Variants in IBTK observed in about 807,000 individuals in gnomAD.
The protein encoded by IBTK is BTK-binding protein.
A neutral mutation model predicts 154.9 loss-of-function variants in IBTK; 83 were observed. The observed-to-expected ratio is 0.54, with a 90% confidence interval of 0.45 to 0.64. The LOEUF is 0.64. Among genes scored for constraint, IBTK ranks in the 30% least tolerant of loss-of-function variants. The pLI, the probability that IBTK is intolerant of heterozygous loss-of-function variation, is 0.00. For missense variants in IBTK, 1,332 were observed against 1,584.6 expected (o/e 0.84, Z 2.71); for synonymous variants, 515 against 536.1 (o/e 0.96, Z 0.54).
intron 7 of IBTK, 42 bp from the exon 8 acceptor site, chr6:82,223,662 T>C: frequency 6.5e-7 from 1 of 1,546,498 alleles, no homozygotes; most frequent in Admixed American, 1.7e-5. Context: ...AATAGCTCTT[T>C]TAAGAGTCCT....
At chr6:82,197,885 A>T (rs1582205172) in intron 21 of IBTK, among the ~76,000 whole-genome samples, 1 of 152,200 alleles carries the variant, frequency 6.6e-6, no homozygotes, top group East Asian at 1.9e-4. Flanking sequence ...ACTGTCTTTG[A>T]TGAAATTGGC....
chr6:82,202,552 T>C lies in IBTK; in HGVS notation c.2705A>G (p.Asn902Ser). The change falls in exon 18 of 29, where the codon AAT (asparagine) becomes AGT (serine). Residue 902 changes from asparagine to serine, a missense_variant. Transcript: ENST00000306270. ...KLSCLQFIGLNMAALLEARSL... is the reference protein window; with the variant it reads ...KLSCLQFIGLSMAALLEARSL... ...CCTTGCTTCAAGTAAAGCTGCCATA[T>C]TCAATCCTATAAACTGTAAACAAGA... is the stretch of plus-strand genomic sequence containing the variant. The C allele has an allele frequency of 6.2e-7, 1 of 1,607,276 alleles. No homozygotes were observed. Among genetic ancestry groups the C allele is most frequent in the South Asian group, 1.1e-5 (1 of 90,144 alleles).
Position 82,181,931 on chromosome 6 carries a change from T to C in IBTK, c.3673A>G (p.Lys1225Glu). 1.3e-6 allele frequency: 2 copies of C among 1,594,344 alleles called. No homozygotes were observed. The highest frequency in any genetic ancestry group is 1.9e-5 in the Admixed American group (1 of 52,918). ...TCAATTCCTTTAAAAGAAACTTTTTTGACATGATCGCCTGAACTATGGCTA... is the reference window on the plus strand; with the variant it reads ...TCAATTCCTTTAAAAGAAACTTTTTCGACATGATCGCCTGAACTATGGCTA... ...VTSHSSGDHVKKVSFKGIENS... is the reference protein window; with the variant it reads ...VTSHSSGDHVEKVSFKGIENS... Residue 1225 changes from lysine (K) to glutamate (E), a missense_variant, in exon 26 of 29, where the codon AAA becomes GAA. By Grantham distance (56) the Lys-to-Glu change is moderately conservative (BLOSUM62 1). Transcript: ENST00000306270.
intron 1 of IBTK, among the ~76,000 whole-genome samples, chr6:82,242,484 G>T (rs191918893): frequency 6.6e-6 from 1 of 151,772 alleles, no homozygotes; most frequent in African/African-American, 2.4e-5. Flanking sequence ...AAGTAATGGC[G>T]ATTATTTTTA....
At chr6:82,209,939 T>C (rs2127812291) in intron 16 of IBTK, among the ~76,000 whole-genome samples, 1 of 152,292 alleles carries the variant, frequency 6.6e-6, no homozygotes, top group East Asian at 1.9e-4. Flanking sequence ...TGTTTTCTTA[T>C]ACATTTGTCT....
intron 17 of IBTK, among the ~76,000 whole-genome samples, chr6:82,203,484 GTC>G: frequency 6.6e-6 from 1 of 152,194 alleles, no homozygotes; most frequent in Admixed American, 6.5e-5. Flanking sequence ...GTCAATAATG[GTC>G]TCTGTCTCAC....
intron 4 of IBTK, among the ~76,000 whole-genome samples, chr6:82,228,679 T>C (rs1241224018): frequency 3.3e-5 from 5 of 151,808 alleles, no homozygotes; most frequent in African/African-American, 1.2e-4. Context: ...TGGAGTGCAG[T>C]GGCGCCATCT....
intron 25 of IBTK, chr6:82,189,041 AG>A: frequency 4.4e-6 from 2 of 449,910 alleles, no homozygotes; most frequent in Admixed American, 2.4e-5. Context: ...AAAAAAAAGA[AG>A]AAAAAGTAAG....
chr6:82,225,023 G>T (rs1770240452), intron 6 of IBTK, among the ~76,000 whole-genome samples: 2 of 152,026 alleles, frequency 1.3e-5, no homozygotes, highest in Admixed American at 1.3e-4. Flanking sequence ...CAACAGGCTG[G>T]GTGCAGTGGC....
intron 2 of IBTK, among the ~76,000 whole-genome samples, chr6:82,236,258 G>A (rs1487249739): frequency 1.3e-5 from 2 of 152,150 alleles, no homozygotes; most frequent in African/African-American, 4.8e-5. Context: ...AAGGGATTCT[G>A]TCTTGTTCAC....
chr6:82,201,221 A>G (rs1371422926), intron 19 of IBTK, among the ~76,000 whole-genome samples: 3 of 152,134 alleles, frequency 2.0e-5, no homozygotes, highest in African/African-American at 7.2e-5. Context: ...ATTAATAAAT[A>G]TTAACTTTAT....
chr6:82,186,029 T>C (rs1768543236), intron 25 of IBTK, among the ~76,000 whole-genome samples: 1 of 152,190 alleles, frequency 6.6e-6, no homozygotes, highest in Non-Finnish European at 1.5e-5. Context: ...TTCATTATTA[T>C]TATATCTGTT....
intron 27 of IBTK, chr6:82,172,896 T>C (rs1181938925): frequency 4.9e-6 from 1 of 202,490 alleles, no homozygotes; most frequent in Admixed American, 5.5e-5. Flanking sequence ...AGAAACAACA[T>C]AACTGAACAG....
At chr6:82,241,134 C>T (rs1770935107) in intron 1 of IBTK, among the ~76,000 whole-genome samples, 4 of 151,960 alleles carry the variant, frequency 2.6e-5, no homozygotes, top group Admixed American at 2.6e-4. Context: ...ATATTTTTAT[C>T]AGTCATCCTT....
Position 82,196,461 on chromosome 6 carries a change from TA to T in IBTK, c.3026-16del, listed in dbSNP as rs764036027. ...CTTTAATAATCCTAAAACATGAAAT[TA>T]AAAAAAATTAAACACATATGCATTA... On this transcript the variant is annotated splice_polypyrimidine_tract_variant and intron_variant, in intron 21 of 28. Coordinates refer to ENST00000306270, the MANE Select transcript of IBTK (RefSeq NM_015525.4). 25 of 1,560,498 alleles carry T rather than the reference TA, an allele frequency of 1.6e-5. No individual in the cohort carries two copies. The highest frequency in any genetic ancestry group is 1.8e-5 in the Admixed American group (1 of 54,608).
At chr6:82,235,762 A>G (rs973726014) in intron 2 of IBTK, among the ~76,000 whole-genome samples, 7 of 152,172 alleles carry the variant, frequency 4.6e-5, no homozygotes, top group Non-Finnish European at 8.8e-5. Context: ...TATCCCTTCA[A>G]TATATTTTGT....
intron 16 of IBTK, among the ~76,000 whole-genome samples, chr6:82,207,167 T>G (rs1483444473): frequency 6.6e-6 from 1 of 152,166 alleles, no homozygotes; most frequent in African/African-American, 2.4e-5. Flanking sequence ...GCAGATGACA[T>G]GATCTTGCAT....
chr6:82,225,213 G>A (rs1055434698), intron 6 of IBTK, among the ~76,000 whole-genome samples: 2 of 151,922 alleles, frequency 1.3e-5, no homozygotes, highest in Non-Finnish European at 2.9e-5. Context: ...AGAAGGCTGA[G>A]GCAAGACAAT....
At chr6:82,207,092 T>C (rs970715685) in intron 16 of IBTK, among the ~76,000 whole-genome samples, 2 of 152,044 alleles carry the variant, frequency 1.3e-5, no homozygotes, top group Non-Finnish European at 2.9e-5. Flanking sequence ...ATCAGGGCAA[T>C]TAAGCAAGAA....
Sources: gnomAD v4.1 joint callset for allele counts (sites outside exome capture counted in the v4.1 genomes callset) on GRCh38, gnomAD v4.1.1 for gene constraint, MANE v1.5 for transcripts, NCBI Gene and HGNC (gene_info 2026-07-23, HGNC 2026-07-21) for gene names.